XIRP2: variants seen among roughly 807,000 people sequenced by gnomAD.
XIRP2 encodes the protein xin actin binding repeat containing 2.
XIRP2 carries 236 observed loss-of-function variants against 277.0 expected under a neutral mutation model. The observed-to-expected ratio is 0.85, with a 90% CI of 0.77 to 0.95. The LOEUF (loss-of-function observed/expected upper bound fraction) is 0.95, where lower values mean the gene tolerates loss of function less well. XIRP2 is among the 40% of genes least tolerant of loss of function. The probability of loss-of-function intolerance (pLI) is 0.00; values close to 1 mark genes in which losing one functional copy is unlikely to be tolerated. For synonymous variants in XIRP2, 1,490 were observed against 1,416.5 expected (o/e 1.05, Z -1.17); for missense variants, 4,640 against 4,157.5 (o/e 1.12, Z -3.19).
At chr2:167,002,565 C>G (rs544543552) in intron 2 of XIRP2, among the ~76,000 whole-genome samples, 1 of 152,044 alleles carries the variant, frequency 6.6e-6, no homozygotes, top group Admixed American at 6.6e-5. Context: ...AGGTACAACT[C>G]AAGTTTTCTT....
intron 2 of XIRP2, among the ~76,000 whole-genome samples, chr2:167,078,927 G>C (rs1277442602): frequency 6.6e-6 from 1 of 151,746 alleles, no homozygotes; most frequent in South Asian, 2.1e-4. Context: ...AGGAATCCTT[G>C]TCTTGTTCCA....
chr2:166,963,593 T>G (rs938545561), intron 2 of XIRP2, among the ~76,000 whole-genome samples: 6 of 151,774 alleles, frequency 4.0e-5, no homozygotes, highest in Admixed American at 3.9e-4. Context: ...GTCACCAATG[T>G]ACAGATTTTA....
chr2:167,053,936 C>T (rs1264947690), intron 2 of XIRP2, among the ~76,000 whole-genome samples: 1 of 151,960 alleles, frequency 6.6e-6, no homozygotes, highest in Non-Finnish European at 1.5e-5. Context: ...TGAAGAGTTC[C>T]CTGAAATTGT....
At chr2:166,952,819 G>A (rs1686069784) in intron 2 of XIRP2, among the ~76,000 whole-genome samples, 1 of 151,850 alleles carries the variant, frequency 6.6e-6, no homozygotes, top group African/African-American at 2.4e-5. Flanking sequence ...AATAAAGAAG[G>A]ACTGTAATTT....
chr2:167,024,817 G>T (rs1326853661), intron 2 of XIRP2, among the ~76,000 whole-genome samples: 4 of 152,156 alleles, frequency 2.6e-5, no homozygotes, highest in Non-Finnish European at 4.4e-5. Context: ...CTTGATCATG[G>T]TGGATAAGTT....
chr2:167,167,450 A>G (rs974310785), intron 3 of XIRP2, among the ~76,000 whole-genome samples: 1 of 152,006 alleles, frequency 6.6e-6, no homozygotes, highest in African/African-American at 2.4e-5. Flanking sequence ...TTAATTGAGC[A>G]TTTAGTGTGA....
intron 2 of XIRP2, among the ~76,000 whole-genome samples, chr2:167,024,145 G>T (rs529953555): frequency 2.6e-3 from 399 of 152,102 alleles, no homozygotes; most frequent in Middle Eastern, 6.8e-3. Flanking sequence ...GTGGTTTGTA[G>T]TTCTCCTTGA....
At position 167,259,173 on chromosome 2, in the gene XIRP2, T is replaced by C. The variant is rs1272125632; in HGVS notation, c.*1356T>C. 3 of 1,613,304 alleles carry C rather than the reference T, an allele frequency of 1.9e-6. No homozygotes were observed. The highest frequency in any genetic ancestry group is 8.5e-7 in the Non-Finnish European group (1 of 1,179,632). ...ATGCCATGCTTGGATTTAAGGGAAT[T>C]TGGAAAGGATGTTAAACCTTGGCAT... On this transcript the variant is annotated 3_prime_UTR_variant, in exon 11 of 11. Coordinates refer to ENST00000409195, the MANE Select transcript of XIRP2 (RefSeq NM_152381.6).
At chr2:167,168,814 C>T (rs1692598170) in intron 3 of XIRP2, among the ~76,000 whole-genome samples, 2 of 152,206 alleles carry the variant, frequency 1.3e-5, no homozygotes, top group Middle Eastern at 6.8e-3. Context: ...TGGGGTTTCA[C>T]CCTGTTAGCC....
At chr2:167,171,597 G>C (rs1480414714) in intron 3 of XIRP2, among the ~76,000 whole-genome samples, 1 of 152,146 alleles carries the variant, frequency 6.6e-6, no homozygotes, top group African/African-American at 2.4e-5. Context: ...ATGTTTTCAA[G>C]TTTTCTACAT....
intron 2 of XIRP2, among the ~76,000 whole-genome samples, chr2:167,111,177 G>T (rs1690744696): frequency 6.6e-6 from 1 of 151,996 alleles, no homozygotes; most frequent in Non-Finnish European, 1.5e-5. Flanking sequence ...TCTTTCTCTT[G>T]ACTGATTGTT....
chr2:167,039,778 A>G (rs2105518221), intron 2 of XIRP2, among the ~76,000 whole-genome samples: 1 of 152,374 alleles, frequency 6.6e-6, no homozygotes, highest in East Asian at 1.9e-4. Context: ...ATAAGTTTGC[A>G]CATATGCTGA....
Position 166,937,062 on chromosome 2 carries a change from A to G in XIRP2, c.408+33172A>G, listed in dbSNP as rs184118406. 1.7e-4 allele frequency among the ~76,000 whole-genome samples: 26 copies of G among 151,942 alleles called. 3 individuals are homozygous for G. Among genetic ancestry groups the G allele is most frequent in the Admixed American group, 1.7e-3 (26 of 15,234 alleles). On this transcript the variant is annotated intron_variant, in intron 2 of 10. Coordinates refer to ENST00000409195, the MANE Select transcript of XIRP2 (RefSeq NM_152381.6). Reference sequence around the variant, plus strand: ...ATCCATGAGCATGGAATGTTCTTCCATTTGTTTGTGTCCTGTTTTATTTCT... The same window carrying G: ...ATCCATGAGCATGGAATGTTCTTCCGTTTGTTTGTGTCCTGTTTTATTTCT...
intron 2 of XIRP2, among the ~76,000 whole-genome samples, chr2:166,953,818 T>G (rs768847296): frequency 6.6e-6 from 1 of 151,952 alleles, no homozygotes; most frequent in African/African-American, 2.4e-5. Context: ...TCTGTCTTCC[T>G]TCCTTCTTTC....
intron 3 of XIRP2, among the ~76,000 whole-genome samples, chr2:167,200,898 G>A (rs1046980534): frequency 6.6e-6 from 1 of 152,096 alleles, no homozygotes; most frequent in African/African-American, 2.4e-5. Flanking sequence ...GGCCAAGGCA[G>A]CTGTATTACT....
At chr2:167,231,472 G>T (rs1694752112) in intron 5 of XIRP2, among the ~76,000 whole-genome samples, 1 of 151,916 alleles carries the variant, frequency 6.6e-6, no homozygotes, top group Admixed American at 6.6e-5. Context: ...AAAAATGAGT[G>T]GCACCCCTTT....
chr2:167,106,470 C>T (rs1690621490), intron 2 of XIRP2, among the ~76,000 whole-genome samples: 1 of 151,666 alleles, frequency 6.6e-6, no homozygotes, highest in Non-Finnish European at 1.5e-5. Context: ...TTTCAAAAAT[C>T]AGTTAGGCAT....
At chr2:167,146,302 C>G (rs1253993137) in intron 3 of XIRP2, among the ~76,000 whole-genome samples, 1 of 151,770 alleles carries the variant, frequency 6.6e-6, no homozygotes, top group East Asian at 1.9e-4. Flanking sequence ...GAGTTCAAGA[C>G]CAGCCTGGCC....
intron 2 of XIRP2, among the ~76,000 whole-genome samples, chr2:166,924,648 A>C (rs1177707663): frequency 3.3e-5 from 5 of 152,030 alleles, no homozygotes; most frequent in Admixed American, 2.6e-4. Context: ...AGGTTTCTTA[A>C]GTACTTCTGC....
Sources: allele counts gnomAD v4.1 joint callset (sites outside exome capture counted in the v4.1 genomes callset), GRCh38; gene constraint gnomAD v4.1.1; transcripts MANE v1.5; gene names NCBI Gene and HGNC (gene_info 2026-07-23, HGNC 2026-07-21).